The following ARSK variants were observed in gnomAD, a reference collection of about 807,000 sequenced individuals.
ARSK encodes the protein arylsulfatase family member K.
Under a neutral mutation model 53.2 loss-of-function variants are expected in ARSK, and 37 were observed. The observed-to-expected ratio is 0.70, with a 90% CI of 0.54 to 0.92. ARSK has a LOEUF of 0.92. Among genes scored for constraint, ARSK ranks in the 40% least tolerant of loss-of-function variants. The pLI is 0.00. For synonymous variants in ARSK, 208 were observed against 223.2 expected (o/e 0.93, Z 0.61); for missense variants, 613 against 643.0 (o/e 0.95, Z 0.51).
At chr5:95,561,087 G>C (rs1748625476) in intron 1 of ARSK, among the ~76,000 whole-genome samples, 1 of 152,164 alleles carries the variant, frequency 6.6e-6, no homozygotes, top group Admixed American at 6.5e-5. Flanking sequence ...GGGATTACCG[G>C]CATGAACCAC....
At chr5:95,569,456 A>G (rs1299020236) in intron 3 of ARSK, among the ~76,000 whole-genome samples, 1 of 152,184 alleles carries the variant, frequency 6.6e-6, no homozygotes, top group East Asian at 1.9e-4. Context: ...TCCAGATGAA[A>G]TCATGACTGC....
chr5:95,598,110 T>C (rs1026302872), intron 6 of ARSK, among the ~76,000 whole-genome samples: 3 of 152,168 alleles, frequency 2.0e-5, no homozygotes, highest in African/African-American at 4.8e-5. Flanking sequence ...TAATATCATC[T>C]CTCTTCAGGA....
At chr5:95,598,725 C>A (rs1182767049) in intron 6 of ARSK, among the ~76,000 whole-genome samples, 1 of 152,188 alleles carries the variant, frequency 6.6e-6, no homozygotes, top group Non-Finnish European at 1.5e-5. Flanking sequence ...CCAACATGAT[C>A]TCTTCTCTTC....
chr5:95,555,186 A>G lies in ARSK; in HGVS notation c.-93A>G. On this transcript the variant is annotated 5_prime_UTR_variant, in exon 1 of 8. Transcript: ENST00000380009. The surrounding 1 kb of genome is among the most constrained non-coding windows in gnomAD (Gnocchi z 4.0). ...AAGCAACCAAACTGCAAGCTTTGGG[A>G]GTTGTTCGCTGTCCCTGCCCTGCTC... is the stretch of plus-strand genomic sequence containing the variant. The G allele has an allele frequency of 8.1e-7, 1 of 1,229,728 alleles. No homozygotes were observed. The highest frequency in any genetic ancestry group is 1.1e-6 in the Non-Finnish European group (1 of 893,696). The allele number at this position is 1,229,728 out of a possible 1,614,324, so 76.2% of individuals were successfully genotyped here.
At chr5:95,561,488 C>T (rs924803624) in intron 1 of ARSK, among the ~76,000 whole-genome samples, 4 of 152,156 alleles carry the variant, frequency 2.6e-5, no homozygotes, top group Non-Finnish European at 5.9e-5. Flanking sequence ...GTTCATTATA[C>T]ATAATGGCCA....
chr5:95,591,422 A>G lies in ARSK; in HGVS notation c.893A>G (p.His298Arg), dbSNP rs1244696812. The G allele has an allele frequency of 6.2e-7, 1 of 1,613,516 alleles. No individual in the cohort carries two copies. Among genetic ancestry groups the G allele is most frequent in the Non-Finnish European group, 8.5e-7 (1 of 1,179,560 alleles). ...AMLGEIILAL[H>R]QLDLLQKTIV... ...GTAGGTGAAATTATTTTGGCCCTTC[A>G]TCAATTAGATCTTCTTCAGAAAACT... Residue 298 changes from histidine to arginine, a missense_variant, in exon 6 of 8, where the codon CAT becomes CGT. Transcript: ENST00000380009.
chr5:95,589,700 C>T (rs762465259), intron 5 of ARSK, among the ~76,000 whole-genome samples: 16 of 152,110 alleles, frequency 1.1e-4, no homozygotes, highest in Non-Finnish European at 1.9e-4. Flanking sequence ...TGTGTTGATT[C>T]CATGTCTTTG....
intron 3 of ARSK, among the ~76,000 whole-genome samples, chr5:95,578,309 G>A (rs561917431): frequency 8.5e-4 from 129 of 151,212 alleles, no homozygotes; most frequent in African/African-American, 3.1e-3. Context: ...ATACCGCCAT[G>A]CCCAGTGAAG....
chr5:95,569,530 G>A (rs988800097), intron 3 of ARSK, among the ~76,000 whole-genome samples: 1 of 152,188 alleles, frequency 6.6e-6, no homozygotes, highest in African/African-American at 2.4e-5. Context: ...TTAAGACAGA[G>A]GCAGAGATAG....
intron 5 of ARSK, among the ~76,000 whole-genome samples, chr5:95,588,887 G>A (rs143985686): frequency 0.059 from 9,009 of 152,106 alleles, 320 homozygotes; most frequent in East Asian, 0.11. Context: ...ACTTGAACCC[G>A]GGAGGCGGAG....
At position 95,603,535 on chromosome 5, in the gene ARSK, T is replaced by C. The variant is rs369582169; in HGVS notation, c.*9T>C. The C allele has an allele frequency of 3.8e-6, 6 of 1,576,212 alleles. No homozygotes were observed. Among genetic ancestry groups the C allele is most frequent in the African/African-American group, 2.7e-5 (2 of 73,092 alleles). On this transcript the variant is annotated 3_prime_UTR_variant, in exon 8 of 8. Transcript: ENST00000380009. ...ATCCAAGAGCAGTTTGAACAAAAAG[T>C]TTAAAAATAGTGTTCTAGAGATACA...
chr5:95,571,000 C>G (rs1469433801), intron 3 of ARSK, among the ~76,000 whole-genome samples: 8 of 152,200 alleles, frequency 5.3e-5, no homozygotes, highest in Non-Finnish European at 1.0e-4. Flanking sequence ...TCAGGCTGTT[C>G]TGGAACTCCT....
At chr5:95,603,176 C>T in intron 7 of ARSK, 61 bp from the exon 8 acceptor site, 2 of 1,338,254 alleles carry the variant, frequency 1.5e-6, no homozygotes, top group Non-Finnish European at 2.0e-6. Context: ...GTCATAATGA[C>T]ATTCTAAAAA....
At chr5:95,595,001 T>G (rs917116158) in intron 6 of ARSK, among the ~76,000 whole-genome samples, 8 of 152,214 alleles carry the variant, frequency 5.3e-5, no homozygotes, top group African/African-American at 1.9e-4. Flanking sequence ...GGAAATAACC[T>G]GTAGATATGC....
Position 95,582,901 on chromosome 5 carries a change from T to C in ARSK, c.417-15T>C, listed in dbSNP as rs1749040342. 1 of 1,580,996 alleles carries C rather than the reference T, an allele frequency of 6.3e-7. No homozygotes were observed. The highest frequency in any genetic ancestry group is 8.6e-7 in the Non-Finnish European group (1 of 1,159,870). On this transcript the variant is annotated splice_polypyrimidine_tract_variant and intron_variant, in intron 3 of 7. Transcript: ENST00000380009. Reference sequence around the variant, plus strand: ...TAATATACCTGACAATATATGTGTCTTTTTGCCCCCTCAGTAATCGTGTGG... The same window carrying C: ...TAATATACCTGACAATATATGTGTCCTTTTGCCCCCTCAGTAATCGTGTGG...
intron 3 of ARSK, among the ~76,000 whole-genome samples, chr5:95,575,976 G>C (rs952551080): frequency 6.6e-6 from 1 of 152,008 alleles, no homozygotes; most frequent in African/African-American, 2.4e-5. Flanking sequence ...TTAGAGGAAG[G>C]ACTTTCAGTT....
intron 1 of ARSK, 51 bp from the exon 2 acceptor site, chr5:95,565,947 T>G (rs760460264): frequency 6.7e-7 from 1 of 1,499,230 alleles, no homozygotes; most frequent in South Asian, 1.3e-5. Flanking sequence ...AAGAAAATAA[T>G]TTTCTTCTTT....
chr5:95,586,554 C>A lies in ARSK; in HGVS notation c.700-8C>A, dbSNP rs1561366760. On this transcript the variant is annotated splice_polypyrimidine_tract_variant and splice_region_variant and intron_variant, in intron 4 of 7. Coordinates refer to ENST00000380009, the MANE Select transcript of ARSK (RefSeq NM_198150.3). ...CTAGCATAACTAAGTTTTTTCTCCC[C>A]TTTTTAGGTGTCTCATGATGCCATC... 2 of 1,603,466 alleles carry A rather than the reference C, an allele frequency of 1.2e-6. No homozygotes were observed. The highest frequency in any genetic ancestry group is 1.7e-6 in the Non-Finnish European group (2 of 1,176,622).
chr5:95,604,494 A>G lies in ARSK; in HGVS notation c.*968A>G, dbSNP rs1283653520. ...GTATATATTCCTTTCCCCCTACACA[A>G]ACGGTAACATACTGCACACATTGTT... On this transcript the variant is annotated 3_prime_UTR_variant, in exon 8 of 8. Transcript: ENST00000380009. The G allele has an allele frequency of 1.3e-5, 2 of 152,056 alleles. No homozygotes were observed. The highest frequency in any genetic ancestry group is 4.8e-5 in the African/African-American group (2 of 41,408). 9.4% of individuals were successfully genotyped at this position (152,056 alleles called of 1,614,324 possible).
Sources: gnomAD v4.1 joint callset for allele counts (sites outside exome capture counted in the v4.1 genomes callset) on GRCh38, gnomAD v4.1.1 for gene constraint, Gnocchi (gnomAD v3.1) non-coding constraint, MANE v1.5 for transcripts, NCBI Gene and HGNC (gene_info 2026-07-23, HGNC 2026-07-21) for gene names.